The following ACSL4 variants were observed in gnomAD, a reference collection of about 807,000 sequenced individuals.
ACSL4 encodes acyl-CoA synthetase long chain family member 4, also known as long-chain-fatty-acid--CoA ligase 4.
Under a neutral mutation model 49.1 loss-of-function variants are expected in ACSL4, and 9 were observed. The observed-to-expected ratio is 0.18, with a 90% confidence interval of 0.11 to 0.32. ACSL4 has a LOEUF of 0.32. Among genes scored for constraint, ACSL4 ranks in the 10% least tolerant of loss-of-function variants. The probability of loss-of-function intolerance (pLI) is 1.00; values close to 1 mark genes in which losing one functional copy is unlikely to be tolerated. For missense variants in ACSL4, 333 were observed against 493.7 expected (o/e 0.67, Z 3.08); for synonymous variants, 191 against 170.3 (o/e 1.12, Z -0.95).
chrX:109,724,622 A>AT (rs1927820346), intron 1 of ACSL4, among the ~76,000 whole-genome samples: 1 of 111,083 alleles, frequency 9.0e-6, no homozygotes. Flanking sequence ...AAATTTTTGT[A>AT]TTTTTTGGGC....
chrX:109,677,216 C>T (rs1923786188), intron 8 of ACSL4, among the ~76,000 whole-genome samples: 1 of 109,690 alleles, frequency 9.1e-6, no homozygotes, highest in Admixed American at 9.7e-5. Flanking sequence ...CCCGCCTCGG[C>T]CTCCCAAAGT....
Position 109,711,339 on chromosome X carries a change from G to T in ACSL4, c.-65-15143C>A, listed in dbSNP as rs137950207. On this transcript the variant is annotated intron_variant, in intron 1 of 15. Coordinates refer to ENST00000672401, the MANE Select transcript of ACSL4 (RefSeq NM_001318510.2). ...CATTCCATTTACTAAGGAAGACTAT[G>T]CCCCAGCTGAGAGGCAATCCAGTAT... 4.5e-5 allele frequency among the ~76,000 whole-genome samples: 5 copies of T among 112,118 alleles called. No individual in the cohort carries two copies. In the East Asian group the frequency reaches 1.4e-3, roughly 31 times the overall value.
intron 2 of ACSL4, among the ~76,000 whole-genome samples, chrX:109,694,937 T>A (rs1217203399): frequency 8.9e-6 from 1 of 111,871 alleles, no homozygotes; most frequent in Admixed American, 9.4e-5. Context: ...TTTATGAAGA[T>A]CAGAAATACA....
At chrX:109,655,680 G>A (rs771089064) in intron 15 of ACSL4, among the ~76,000 whole-genome samples, 2 of 110,677 alleles carry the variant, frequency 1.8e-5, no homozygotes, top group Non-Finnish European at 3.8e-5. Context: ...CAGCAAGTAT[G>A]CACAATGATA....
chrX:109,652,802 A>C (rs1921257481), intron 15 of ACSL4, among the ~76,000 whole-genome samples: 1 of 111,217 alleles, frequency 9.0e-6, no homozygotes, highest in Non-Finnish European at 1.9e-5. Flanking sequence ...GAAGAAGGAA[A>C]TATTATGTCA....
intron 2 of ACSL4, among the ~76,000 whole-genome samples, chrX:109,695,410 C>T (rs1298692620): frequency 9.2e-6 from 1 of 108,740 alleles, no homozygotes; most frequent in African/African-American, 3.3e-5. Context: ...ATGGATTTAA[C>T]TCCATCAATA....
At chrX:109,689,476 C>G (rs1286403890) in intron 2 of ACSL4, among the ~76,000 whole-genome samples, 1 of 112,098 alleles carries the variant, frequency 8.9e-6, no homozygotes, top group African/African-American at 3.2e-5. Context: ...TTACTACAAC[C>G]TACAAGACTA....
At chrX:109,698,250 C>A (rs1362137992) in intron 1 of ACSL4, among the ~76,000 whole-genome samples, 1 of 111,847 alleles carries the variant, frequency 8.9e-6, no homozygotes, top group Non-Finnish European at 1.9e-5. Flanking sequence ...AAAAGGAAAC[C>A]AAATCACATT....
intron 2 of ACSL4, chrX:109,692,211 T>A (rs1925089181): frequency 1.8e-5 from 2 of 111,709 alleles, no homozygotes; most frequent in Admixed American, 9.5e-5. Context: ...TGTTGCTAGG[T>A]CATAGGATGT....
chrX:109,724,574 G>A (rs1339719702), intron 1 of ACSL4, among the ~76,000 whole-genome samples: 1 of 111,669 alleles, frequency 9.0e-6, no homozygotes, highest in African/African-American at 3.3e-5. Flanking sequence ...AGCTTCCCCA[G>A]TAGTTGGAAC....
intron 4 of ACSL4, 28 bp downstream of exon 4, chrX:109,682,691 C>G: frequency 8.3e-7 from 1 of 1,207,600 alleles, no homozygotes; most frequent in East Asian, 3.0e-5. Flanking sequence ...ACCCTCCTCT[C>G]CCCCCTCCAA....
chrX:109,708,688 A>G (rs1162932896), intron 1 of ACSL4, among the ~76,000 whole-genome samples: 1 of 112,176 alleles, frequency 8.9e-6, no homozygotes, highest in Non-Finnish European at 1.9e-5. Context: ...TGACTGGTAC[A>G]AGCTGAGTCT....
intron 2 of ACSL4, among the ~76,000 whole-genome samples, chrX:109,690,595 G>A (rs185661315): frequency 1.8e-5 from 2 of 110,912 alleles, no homozygotes; most frequent in East Asian, 2.8e-4. Flanking sequence ...GTAGAGATTC[G>A]AACCAGGTCG....
chrX:109,722,583 A>C (rs1010691063), intron 1 of ACSL4, among the ~76,000 whole-genome samples: 2 of 111,994 alleles, frequency 1.8e-5, no homozygotes, highest in African/African-American at 6.5e-5. Context: ...CATCATTGAT[A>C]ACTACACTGT....
chrX:109,648,255 C>T (rs1234095442), intron 15 of ACSL4, among the ~76,000 whole-genome samples: 2 of 111,522 alleles, frequency 1.8e-5, no homozygotes, highest in South Asian at 7.6e-4. Context: ...CCTTGATGAA[C>T]ATTGATGCAA....
At chrX:109,689,243 A>G (rs755995363) in intron 2 of ACSL4, among the ~76,000 whole-genome samples, 7 of 111,114 alleles carry the variant, frequency 6.3e-5, no homozygotes, top group African/African-American at 2.3e-4. Context: ...ACTTCTTACC[A>G]CCTCCACTGT....
At chrX:109,728,127 T>C (rs776019978) in intron 1 of ACSL4, among the ~76,000 whole-genome samples, 84 of 112,557 alleles carry the variant, frequency 7.5e-4, no homozygotes, top group African/African-American at 2.5e-3. Flanking sequence ...GCACATACAT[T>C]TTTCAAAATA....
intron 2 of ACSL4, among the ~76,000 whole-genome samples, chrX:109,686,682 A>C (rs931252016): frequency 3.6e-5 from 4 of 111,203 alleles, no homozygotes; most frequent in Admixed American, 9.6e-5. Flanking sequence ...ACATAAATTT[A>C]ATCTTTTATA....
At chrX:109,704,944 A>T (rs988986146) in intron 1 of ACSL4, among the ~76,000 whole-genome samples, 7 of 110,934 alleles carry the variant, frequency 6.3e-5, no homozygotes, top group African/African-American at 2.3e-4. Flanking sequence ...TCTCTCTCAC[A>T]CACACACACA....
Sources: gnomAD v4.1 joint callset for allele counts (sites outside exome capture counted in the v4.1 genomes callset) on GRCh38, gnomAD v4.1.1 for gene constraint, MANE v1.5 for transcripts, NCBI Gene and HGNC (gene_info 2026-07-23, HGNC 2026-07-21) for gene names.